The following OSBPL10 variants were observed in gnomAD, a reference collection of about 807,000 sequenced individuals.
OSBPL10 encodes oxysterol binding protein like 10.
Under a neutral mutation model 81.7 loss-of-function variants are expected in OSBPL10, and 49 were observed. The ratio of observed to expected loss-of-function variants is 0.60; its 90% CI spans 0.48 to 0.76. The LOEUF is 0.76. Ranked by LOEUF, OSBPL10 falls within the 30% of genes least tolerant of loss-of-function variation. OSBPL10 has a pLI of 0.00. For missense variants in OSBPL10, 923 were observed against 987.8 expected (o/e 0.93, Z 0.88); for synonymous variants, 419 against 383.6 (o/e 1.09, Z -1.08).
At chr3:31,763,900 G>C (rs1487511945) in intron 4 of OSBPL10, among the ~76,000 whole-genome samples, 1 of 152,190 alleles carries the variant, frequency 6.6e-6, no homozygotes, top group African/African-American at 2.4e-5. Context: ...TCATTAATCT[G>C]AAAGGGAAAA....
intron 6 of OSBPL10, among the ~76,000 whole-genome samples, chr3:31,724,277 C>T (rs1381336565): frequency 6.6e-6 from 1 of 152,114 alleles, no homozygotes; most frequent in Non-Finnish European, 1.5e-5. Context: ...CCACTCGGTG[C>T]TGAGCTTTTT....
chr3:31,904,524 T>C (rs1008486086), intron 1 of OSBPL10, among the ~76,000 whole-genome samples: 10 of 152,046 alleles, frequency 6.6e-5, no homozygotes, highest in Non-Finnish European at 1.3e-4. Flanking sequence ...CCACCAAAAA[T>C]AAAATTAAAA....
At chr3:31,903,425 C>T (rs1304943274) in intron 1 of OSBPL10, among the ~76,000 whole-genome samples, 1 of 151,064 alleles carries the variant, frequency 6.6e-6, no homozygotes, top group African/African-American at 2.4e-5. Context: ...ACCCCCTAGG[C>T]CCAAGCAAAC....
chr3:31,871,828 GC>G (rs1181947187), intron 3 of OSBPL10, among the ~76,000 whole-genome samples: 1 of 152,124 alleles, frequency 6.6e-6, no homozygotes, highest in African/African-American at 2.4e-5. Context: ...ACCACTGCAT[GC>G]CAGCTTGAGC....
chr3:31,720,532 G>A (rs969205119), intron 6 of OSBPL10, among the ~76,000 whole-genome samples: 1 of 152,174 alleles, frequency 6.6e-6, no homozygotes, highest in African/African-American at 2.4e-5. Context: ...GTTGAGCCTA[G>A]TTTTATCTCC....
At chr3:32,013,507 T>A (rs948024441) in intron 2 of OSBPL10, among the ~76,000 whole-genome samples, 2 of 152,034 alleles carry the variant, frequency 1.3e-5, no homozygotes, top group Non-Finnish European at 2.9e-5. Context: ...GATCTAAAAT[T>A]GACACCCTAA....
chr3:31,996,283 T>G (rs75486174), intron 2 of OSBPL10, among the ~76,000 whole-genome samples: 2,235 of 152,334 alleles, frequency 0.015, 27 homozygotes, highest in Middle Eastern at 0.034. Context: ...AAGAAATGTT[T>G]TAAATTTAAC....
intron 2 of OSBPL10, among the ~76,000 whole-genome samples, chr3:31,998,040 G>A (rs993201982): frequency 1.1e-4 from 16 of 151,982 alleles, no homozygotes; most frequent in Non-Finnish European, 1.2e-4. Context: ...CAGTCCTCCC[G>A]CCTCGGCCTC....
intron 8 of OSBPL10, among the ~76,000 whole-genome samples, chr3:31,675,905 C>T (rs1340687497): frequency 6.9e-6 from 1 of 145,284 alleles, no homozygotes; most frequent in Non-Finnish European, 1.5e-5. Context: ...GAGATTGCGC[C>T]ACTGCACTGC....
At chr3:31,966,525 TTGAC>T (rs1444309425) in intron 1 of OSBPL10, among the ~76,000 whole-genome samples, 6 of 151,894 alleles carry the variant, frequency 4.0e-5, no homozygotes, top group South Asian at 4.2e-4. Context: ...GATCAATAAA[TTGAC>T]TGACCTCTAG....
intron 1 of OSBPL10, among the ~76,000 whole-genome samples, chr3:31,970,918 C>T (rs552913331): frequency 2.0e-5 from 3 of 152,192 alleles, no homozygotes; most frequent in African/African-American, 7.2e-5. Flanking sequence ...TTTGTACTCA[C>T]AGAGCCTTCT....
intron 1 of OSBPL10, among the ~76,000 whole-genome samples, chr3:31,942,553 A>AAG (rs1252191246): frequency 5.3e-5 from 8 of 151,598 alleles, no homozygotes; most frequent in African/African-American, 1.9e-4. Flanking sequence ...AAAAAAAAAA[A>AAG]AAGTGACACA....
At chr3:31,929,131 T>C (rs1228200762) in intron 1 of OSBPL10, among the ~76,000 whole-genome samples, 1 of 152,152 alleles carries the variant, frequency 6.6e-6, no homozygotes, top group Non-Finnish European at 1.5e-5. Flanking sequence ...CACCTGGTAA[T>C]ACTCAACATC....
intron 2 of OSBPL10, among the ~76,000 whole-genome samples, chr3:31,995,805 C>T (rs62244403): frequency 0.041 from 6,301 of 152,268 alleles, 179 homozygotes; most frequent in East Asian, 0.069. Flanking sequence ...CTTCCCGTGA[C>T]ACCCCAGGTT....
At chr3:31,744,909 C>T (rs1363558693) in intron 5 of OSBPL10, among the ~76,000 whole-genome samples, 1 of 152,092 alleles carries the variant, frequency 6.6e-6, no homozygotes, top group Non-Finnish European at 1.5e-5. Context: ...CGGAACGAGC[C>T]TATTACATTG....
At chr3:31,769,140 T>G (rs939082299) in intron 4 of OSBPL10, among the ~76,000 whole-genome samples, 9 of 151,890 alleles carry the variant, frequency 5.9e-5, no homozygotes, top group Non-Finnish European at 4.4e-5. Context: ...CATGCAAGCA[T>G]GAAATAATCA....
chr3:31,797,660 TAA>T (rs1699265563), intron 4 of OSBPL10: 1 of 364,526 alleles, frequency 2.7e-6, no homozygotes, highest in Non-Finnish European at 5.6e-6. Flanking sequence ...TTTTTCCACA[TAA>T]AAGAGGGTAC....
intron 5 of OSBPL10, among the ~76,000 whole-genome samples, chr3:31,741,024 A>G (rs1421043283): frequency 6.6e-6 from 1 of 152,094 alleles, no homozygotes; most frequent in African/African-American, 2.4e-5. Flanking sequence ...TGACTGTGGA[A>G]TTGTCTTAAT....
chr3:31,698,961 G>T (rs1695810280), intron 7 of OSBPL10, among the ~76,000 whole-genome samples: 1 of 151,788 alleles, frequency 6.6e-6, no homozygotes, highest in African/African-American at 2.4e-5. Context: ...CATCACTCAG[G>T]CCCCATCAGG....
Sources: allele counts gnomAD v4.1 joint callset (sites outside exome capture counted in the v4.1 genomes callset), GRCh38; gene constraint gnomAD v4.1.1; transcripts MANE v1.5; gene names NCBI Gene and HGNC (gene_info 2026-07-23, HGNC 2026-07-21).